The following PTPRD variants were observed in gnomAD, a reference collection of about 807,000 sequenced individuals.
PTPRD encodes the protein receptor-type tyrosine-protein phosphatase delta.
In PTPRD, 34 loss-of-function variants were observed where a neutral mutation model predicts 214.5. The ratio of observed to expected loss-of-function variants is 0.16; its 90% CI spans 0.12 to 0.21. The LOEUF is 0.21. Among genes scored for constraint, PTPRD ranks in the 10% least tolerant of loss-of-function variants. The probability of loss-of-function intolerance (pLI) is 1.00; values close to 1 mark genes in which losing one functional copy is unlikely to be tolerated. For missense variants in PTPRD, 2,545 were observed against 2,398.7 expected, an observed-to-expected ratio of 1.06 and a Z score of -1.27; for synonymous variants, 1,128 against 845.7, an observed-to-expected ratio of 1.33 and a Z score of -5.79.
intron 3 of PTPRD, among the ~76,000 whole-genome samples, chr9:10,229,005 G>C (rs1430633020): frequency 3.3e-5 from 5 of 151,818 alleles, no homozygotes. Flanking sequence ...TAAGATCAAA[G>C]CCTGATGTTT....
Position 10,506,341 on chromosome 9 carries a change from G to C in PTPRD, c.-600+106057C>G, listed in dbSNP as rs552113479. Among the ~76,000 whole-genome samples, 41 of 152,172 alleles carry C rather than the reference G, an allele frequency of 2.7e-4. 1 individual carries two copies. Among genetic ancestry groups the C allele is most frequent in the Admixed American group, 1.0e-3 (16 of 15,268 alleles). ...ATAAAAATAGGACATTTGTCAAATT[G>C]AAAAGTAACCTTGGTACCATACTAT... On this transcript the variant is annotated intron_variant, in intron 2 of 45. Transcript: ENST00000381196.
intron 14 of PTPRD, among the ~76,000 whole-genome samples, chr9:8,582,247 G>A (rs759691634): frequency 3.3e-5 from 5 of 152,060 alleles, no homozygotes; most frequent in Non-Finnish European, 1.5e-5. Context: ...AGATTAGATC[G>A]CCACTTTACA....
At chr9:10,206,306 G>A (rs2099478135) in intron 3 of PTPRD, among the ~76,000 whole-genome samples, 1 of 152,202 alleles carries the variant, frequency 6.6e-6, no homozygotes, top group Non-Finnish European at 1.5e-5. Flanking sequence ...ACCATAAAGG[G>A]TTAGTGCCAT....
chr9:8,870,932 CA>C (rs1461917988), intron 11 of PTPRD, among the ~76,000 whole-genome samples: 3 of 152,172 alleles, frequency 2.0e-5, no homozygotes, highest in Non-Finnish European at 4.4e-5. Flanking sequence ...CTTGGGCATC[CA>C]AAAGGGTAGA....
At chr9:8,687,606 A>AT (rs142197983) in intron 12 of PTPRD, among the ~76,000 whole-genome samples, 1,654 of 152,264 alleles carry the variant, frequency 0.011, 14 homozygotes, top group African/African-American at 0.019. Flanking sequence ...CCTTGATCTA[A>AT]TTTTTTAATG....
chr9:8,911,848 C>G (rs1036822343), intron 11 of PTPRD, among the ~76,000 whole-genome samples: 3 of 152,030 alleles, frequency 2.0e-5, no homozygotes, highest in Non-Finnish European at 4.4e-5. Context: ...TAAAAATGAG[C>G]AAAAGGCTTG....
At chr9:8,851,601 G>A (rs967951992) in intron 11 of PTPRD, among the ~76,000 whole-genome samples, 3 of 152,148 alleles carry the variant, frequency 2.0e-5, no homozygotes, top group Non-Finnish European at 4.4e-5. Context: ...GAAGACAACA[G>A]AACTCTATCA....
intron 8 of PTPRD, among the ~76,000 whole-genome samples, chr9:9,464,153 C>T (rs1462870966): frequency 6.6e-6 from 1 of 152,166 alleles, no homozygotes; most frequent in Non-Finnish European, 1.5e-5. Context: ...CCAGGAAACA[C>T]TCATTGTCTA....
chr9:8,325,367 T>A (rs1017708401), intron 44 of PTPRD, among the ~76,000 whole-genome samples: 21 of 148,974 alleles, frequency 1.4e-4, no homozygotes, highest in Admixed American at 2.1e-4. Flanking sequence ...CCCATTCTTG[T>A]TTTCCCTCAG....
intron 30 of PTPRD, 50 bp from the exon 31 acceptor site, chr9:8,471,135 C>T (rs750536231): frequency 1.7e-5 from 26 of 1,490,278 alleles, no homozygotes; most frequent in South Asian, 7.9e-5. Flanking sequence ...AGGAGGAAAA[C>T]GTGGATATAC....
intron 11 of PTPRD, among the ~76,000 whole-genome samples, chr9:9,014,878 A>T (rs910043760): frequency 3.9e-5 from 6 of 152,192 alleles, no homozygotes; most frequent in Non-Finnish European, 5.9e-5. Context: ...TTCTAAATAT[A>T]GAATACAATA....
chr9:10,000,112 C>A (rs568295224), intron 4 of PTPRD, among the ~76,000 whole-genome samples: 1 of 152,170 alleles, frequency 6.6e-6, no homozygotes, highest in African/African-American at 2.4e-5. Flanking sequence ...ATTGCCTAAG[C>A]CTAAAGTTAT....
intron 9 of PTPRD, among the ~76,000 whole-genome samples, chr9:9,240,941 G>A (rs1350837849): frequency 6.6e-6 from 1 of 152,022 alleles, no homozygotes; most frequent in African/African-American, 2.4e-5. Context: ...GTCCAAACTT[G>A]TTTCTTTAAT....
rs961463380 is a variant in PTPRD, at chr9:10,372,891, C to T, written c.-599-31874G>A. 2.0e-5 allele frequency among the ~76,000 whole-genome samples: 3 copies of T among 149,950 alleles called. No homozygotes were observed. In the South Asian group the frequency reaches 6.3e-4, roughly 32 times the overall value. On this transcript the variant is annotated intron_variant, in intron 2 of 45. Coordinates refer to ENST00000381196, the MANE Select transcript of PTPRD (RefSeq NM_002839.4). ...TTGAGATGTAGTCTTGCTCTATCAC[C>T]CAGGTTGGAGTGCAGTGGTGCGATC...
intron 3 of PTPRD, among the ~76,000 whole-genome samples, chr9:10,044,242 C>A (rs1196865579): frequency 6.6e-6 from 1 of 151,598 alleles, no homozygotes; most frequent in African/African-American, 2.4e-5. Context: ...GAGTTTTTCT[C>A]TAAAATAATA....
At chr9:9,837,875 G>A (rs575985352) in intron 5 of PTPRD, among the ~76,000 whole-genome samples, 6 of 151,976 alleles carry the variant, frequency 3.9e-5, no homozygotes, top group Admixed American at 1.3e-4. Context: ...CCATTAACTC[G>A]TCATTTAGCA....
intron 5 of PTPRD, among the ~76,000 whole-genome samples, chr9:9,923,705 C>T (rs755874222): frequency 1.3e-5 from 2 of 151,952 alleles, no homozygotes; most frequent in Admixed American, 6.6e-5. Context: ...CAAGAAAATG[C>T]TCAATCAGAT....
chr9:8,365,511 A>T (rs1300495932), intron 39 of PTPRD, among the ~76,000 whole-genome samples: 1 of 152,126 alleles, frequency 6.6e-6, no homozygotes, highest in Non-Finnish European at 1.5e-5. Context: ...GGCTCCTCTC[A>T]TCGAGCCTGG....
At chr9:8,634,595 T>C (rs72698256) in intron 13 of PTPRD, among the ~76,000 whole-genome samples, 27,015 of 152,016 alleles carry the variant, frequency 0.18, 2,689 homozygotes, top group South Asian at 0.29. Flanking sequence ...TGCACTACAG[T>C]TTATTTTCAA....
Sources: allele counts gnomAD v4.1 joint callset (sites outside exome capture counted in the v4.1 genomes callset), GRCh38; gene constraint gnomAD v4.1.1; transcripts MANE v1.5; gene names NCBI Gene and HGNC (gene_info 2026-07-23, HGNC 2026-07-21).